The following NPC1 variants were observed in gnomAD, a reference collection of about 807,000 sequenced individuals.
NPC1 encodes Niemann-Pick C1 protein.
In NPC1, 85 loss-of-function variants were observed where a neutral mutation model predicts 140.4. The observed-to-expected ratio is 0.61, with a 90% CI of 0.51 to 0.72. The LOEUF is 0.72. Among genes scored for constraint, NPC1 ranks in the 30% least tolerant of loss-of-function variants. The pLI is 0.00. For missense variants in NPC1, 1,504 were observed against 1,623.8 expected (o/e 0.93, Z 1.27); for synonymous variants, 656 against 624.8 (o/e 1.05, Z -0.74).
intron 16 of NPC1, among the ~76,000 whole-genome samples, 178 bp downstream of exon 16, chr18:23,540,890 C>T (rs975225846): frequency 2.0e-5 from 3 of 152,226 alleles, no homozygotes; most frequent in Admixed American, 6.5e-5. Context: ...TTTATATGGA[C>T]TGATAAAAGC....
Position 23,577,617 on chromosome 18 carries a change from C to T in NPC1, c.58-4043G>A, listed in dbSNP as rs567528096. On this transcript the variant is annotated intron_variant, in intron 1 of 24. Coordinates refer to ENST00000269228, the MANE Select transcript of NPC1 (RefSeq NM_000271.5). Reference sequence around the variant, plus strand: ...CAGGTGGAGCTGCCTGCCAGTCCTGCGCCGTGCGCCTGCATTCCTCAGCCC... The same window carrying T: ...CAGGTGGAGCTGCCTGCCAGTCCTGTGCCGTGCGCCTGCATTCCTCAGCCC... 5.0e-4 allele frequency among the ~76,000 whole-genome samples: 76 copies of T among 152,364 alleles called. 1 individual carries two copies. Among genetic ancestry groups the T allele is most frequent in the African/African-American group, 1.5e-3 (62 of 41,582 alleles).
At chr18:23,572,550 G>A (rs928128451) in intron 2 of NPC1, among the ~76,000 whole-genome samples, 4 of 152,196 alleles carry the variant, frequency 2.6e-5, no homozygotes, top group African/African-American at 9.7e-5. Flanking sequence ...AGCAGCAAGT[G>A]AGGACAGGTA....
At chr18:23,576,926 G>C (rs2059291198) in intron 1 of NPC1, 1 of 152,598 alleles carries the variant, frequency 6.6e-6, no homozygotes, top group African/African-American at 2.4e-5. Context: ...CCACAGCATG[G>C]AAGAGGACCC....
At chr18:23,552,299 A>T (rs866343683) in intron 9 of NPC1, among the ~76,000 whole-genome samples, 13 of 152,156 alleles carry the variant, frequency 8.5e-5, no homozygotes, top group East Asian at 1.9e-4. Flanking sequence ...TCTAAAAAAA[A>T]AATAATAATA....
rs2058796205 is a variant in NPC1, at chr18:23,546,797, A to G, written c.1757+1209T>C. Among the ~76,000 whole-genome samples, 4 of 152,350 alleles carry G rather than the reference A, an allele frequency of 2.6e-5. No individual in the cohort carries two copies. The South Asian group carries it at 8.3e-4, about 32-fold the overall frequency. ...AAAAGTCCAGAATAGGAAAATCTCCAGAGACAGTATTTTAGTGGTTGCCTA... is the reference window on the plus strand; with the variant it reads ...AAAAGTCCAGAATAGGAAAATCTCCGGAGACAGTATTTTAGTGGTTGCCTA... On this transcript the variant is annotated intron_variant, in intron 11 of 24. Coordinates refer to ENST00000269228, the MANE Select transcript of NPC1 (RefSeq NM_000271.5).
chr18:23,548,750 A>T (rs1210760172), intron 10 of NPC1, among the ~76,000 whole-genome samples: 1 of 152,206 alleles, frequency 6.6e-6, no homozygotes, highest in Non-Finnish European at 1.5e-5. Context: ...TTTAATGTGT[A>T]AAACACATAC....
chr18:23,512,678 T>C (rs1397824763), intron 3 of NPC1, among the ~76,000 whole-genome samples: 1 of 152,024 alleles, frequency 6.6e-6, no homozygotes, highest in Non-Finnish European at 1.5e-5. Context: ...GCCATTCTTC[T>C]GCCTTGGCCT....
At chr18:23,544,231 A>C in intron 13 of NPC1, 113 bp downstream of exon 13, 1 of 1,024,576 alleles carries the variant, frequency 9.8e-7, no homozygotes. Flanking sequence ...CCACACAGGG[A>C]AAGGAAACAA....
intron 23 of NPC1, 56 bp from the exon 24 acceptor site, chr18:23,533,573 AAACACT>A: frequency 6.6e-7 from 1 of 1,514,980 alleles, no homozygotes; most frequent in African/African-American, 1.4e-5. Flanking sequence ...AATTGAACAA[AAACACT>A]TCCTTACAAG....
Position 23,538,566 on chromosome 18 carries a change from T to A in NPC1, c.3017A>T (p.Asn1006Ile). The A allele has an allele frequency of 6.2e-7, 1 of 1,614,032 alleles. No individual in the cohort carries two copies. The highest frequency in any genetic ancestry group is 1.3e-5 in the African/African-American group (1 of 74,984). ...CCCTTTGCCACACTTGGGGTTAGGGTTATCCGAAAGGAACATGGGCAGGAA... is the reference window on the plus strand; with the variant it reads ...CCCTTTGCCACACTTGGGGTTAGGGATATCCGAAAGGAACATGGGCAGGAA... ...MRFLPMFLSD[N>I]PNPKCGKGGH... Residue 1006 changes from asparagine (N) to isoleucine (I), a missense_variant, in exon 20 of 25, where the codon AAC (asparagine) becomes ATC (isoleucine). Transcript: ENST00000269228.
chr18:23,520,793 C>T (rs985575810), downstream of NPC1, among the ~76,000 whole-genome samples: 1 of 151,776 alleles, frequency 6.6e-6, no homozygotes, highest in Admixed American at 6.6e-5. Flanking sequence ...CGCTTAAATA[C>T]TTGTGAGAGG....
At chr18:23,585,102 C>T (rs933228367) in intron 1 of NPC1, among the ~76,000 whole-genome samples, 1 of 151,890 alleles carries the variant, frequency 6.6e-6, no homozygotes, top group East Asian at 1.9e-4. Context: ...AACAGAATAG[C>T]CACATTTTCT....
intron 1 of NPC1, among the ~76,000 whole-genome samples, chr18:23,575,230 T>G (rs552372128): frequency 6.6e-6 from 1 of 152,178 alleles, no homozygotes; most frequent in Non-Finnish European, 1.5e-5. Flanking sequence ...TACTCAGCAC[T>G]TGGTACTATA....
chr18:23,547,303 T>G (rs1323232882), intron 11 of NPC1, among the ~76,000 whole-genome samples: 1 of 152,208 alleles, frequency 6.6e-6, no homozygotes, highest in African/African-American at 2.4e-5. Flanking sequence ...TTTCTAAGCA[T>G]GGACAGCAGC....
intron 14 of NPC1, 123 bp downstream of exon 14, chr18:23,543,332 G>GAAAA (rs34563465): frequency 3.6e-5 from 15 of 422,232 alleles, no homozygotes; most frequent in East Asian, 2.2e-4. Context: ...CCGTCTCAGA[G>GAAAA]AAAAAAAAAA....
intron 3 of NPC1, chr18:23,506,929 A>G: frequency 2.2e-6 from 3 of 1,357,176 alleles, no homozygotes; most frequent in South Asian, 2.4e-5. Context: ...AGTAGCTAGA[A>G]TTCGGTTATT....
At chr18:23,576,634 C>CT (rs1429126013) in intron 1 of NPC1, 1 of 240,690 alleles carries the variant, frequency 4.2e-6, no homozygotes, top group Non-Finnish European at 6.8e-6. Context: ...CGTCTGGAAT[C>CT]TGTCCCTTCT....
At chr18:23,578,197 T>C (rs543277178) in intron 1 of NPC1, among the ~76,000 whole-genome samples, 1 of 152,348 alleles carries the variant, frequency 6.6e-6, no homozygotes, top group Admixed American at 6.5e-5. Context: ...CACCTCTCAA[T>C]ATGTTAACCC....
rs568942365 is a variant in NPC1 at position 23,541,391 on chromosome 18, A to G, written c.2288T>C (p.Phe763Ser). The G allele has an allele frequency of 1.2e-6, 2 of 1,614,236 alleles. No individual in the cohort carries two copies. Among genetic ancestry groups the G allele is most frequent in the East Asian group, 2.2e-5 (1 of 44,884 alleles). The change falls in exon 15 of 25, where the codon TTT (phenylalanine) becomes TCT (serine). Residue 763 changes from phenylalanine to serine, a missense_variant. Coordinates refer to ENST00000269228, the MANE Select transcript of NPC1 (RefSeq NM_000271.5). Reference protein sequence around the residue: ...VMPAVHTFSLFAGLAVFIDFL... With the variant: ...VMPAVHTFSLSAGLAVFIDFL... ...GTCAATGAAGACTGCCAATCCCGCA[A>G]AGAGAGAGAAGGTGTGCACGGCTGG...
Sources: gnomAD v4.1 joint callset for allele counts (sites outside exome capture counted in the v4.1 genomes callset) on GRCh38, gnomAD v4.1.1 for gene constraint, MANE v1.5 for transcripts, NCBI Gene and HGNC (gene_info 2026-07-23, HGNC 2026-07-21) for gene names.